The following CSMD1 variants were observed in gnomAD, a reference collection of about 807,000 sequenced individuals.
CSMD1 encodes the protein CUB and Sushi multiple domains 1.
Under a neutral mutation model 417.5 loss-of-function variants are expected in CSMD1, and 213 were observed. That is an observed-to-expected ratio of 0.51 (90% CI 0.46 to 0.57). The LOEUF is 0.57. Among genes scored for constraint, CSMD1 ranks in the 20% least tolerant of loss-of-function variants. CSMD1 has a pLI of 0.00. For missense variants in CSMD1, 6,923 were observed against 4,529.7 expected (o/e 1.53, Z -15.17); for synonymous variants, 2,862 against 1,736.8 (o/e 1.65, Z -16.11).
intron 3 of CSMD1, among the ~76,000 whole-genome samples, chr8:4,167,636 T>C (rs571102330): frequency 1.3e-5 from 2 of 152,336 alleles, no homozygotes; most frequent in African/African-American, 4.8e-5. Flanking sequence ...TAAATCCATC[T>C]GTTTGGAAGA....
chr8:2,966,384 T>C (rs1470618428), intron 58 of CSMD1, among the ~76,000 whole-genome samples, 186 bp downstream of exon 58: 1 of 152,112 alleles, frequency 6.6e-6, no homozygotes, highest in Non-Finnish European at 1.5e-5. Flanking sequence ...GCCATACGAA[T>C]AAGCAACTGG....
At chr8:4,942,199 AAC>A (rs1411721059) in intron 1 of CSMD1, among the ~76,000 whole-genome samples, 2 of 152,056 alleles carry the variant, frequency 1.3e-5, no homozygotes, top group East Asian at 1.9e-4. Flanking sequence ...CCTTCCCCCC[AAC>A]ACACAGACAC....
At chr8:4,199,444 G>T (rs1799524302) in intron 3 of CSMD1, among the ~76,000 whole-genome samples, 2 of 152,166 alleles carry the variant, frequency 1.3e-5, no homozygotes, top group Admixed American at 6.5e-5. Context: ...TAAGTCTATT[G>T]CATCTCAGTT....
At chr8:4,450,554 G>C (rs1799080590) in intron 2 of CSMD1, among the ~76,000 whole-genome samples, 1 of 152,080 alleles carries the variant, frequency 6.6e-6, no homozygotes, top group South Asian at 2.1e-4. Flanking sequence ...GGATTCACTT[G>C]AACCCGGGAG....
intron 23 of CSMD1, among the ~76,000 whole-genome samples, chr8:3,338,939 C>G (rs987646581): frequency 2.0e-5 from 3 of 151,366 alleles, no homozygotes; most frequent in Non-Finnish European, 4.4e-5. Flanking sequence ...CACCCACTAA[C>G]TCGTCATCTA....
intron 25 of CSMD1, among the ~76,000 whole-genome samples, chr8:3,293,693 C>G (rs560051874): frequency 2.6e-5 from 4 of 152,268 alleles, no homozygotes; most frequent in Admixed American, 2.6e-4. Context: ...CCTTTAAGGA[C>G]TTCTGTGCAT....
chr8:3,637,586 A>T (rs1797111847), intron 7 of CSMD1, among the ~76,000 whole-genome samples: 1 of 152,172 alleles, frequency 6.6e-6, no homozygotes, highest in Admixed American at 6.5e-5. Context: ...TAAAATATTG[A>T]CTACTATTTT....
At chr8:3,501,287 C>G (rs1796589731) in intron 10 of CSMD1, among the ~76,000 whole-genome samples, 1 of 152,150 alleles carries the variant, frequency 6.6e-6, no homozygotes, top group Non-Finnish European at 1.5e-5. Flanking sequence ...CACACATACA[C>G]ACACACCCCA....
At chr8:3,497,320 C>T (rs1286383343) in intron 10 of CSMD1, among the ~76,000 whole-genome samples, 1 of 152,124 alleles carries the variant, frequency 6.6e-6, no homozygotes, top group Non-Finnish European at 1.5e-5. Context: ...TATCTGGGGT[C>T]TCTGGTGTTG....
intron 11 of CSMD1, among the ~76,000 whole-genome samples, chr8:3,470,652 C>G (rs1817036129): frequency 2.0e-5 from 3 of 152,226 alleles, no homozygotes; most frequent in South Asian, 4.1e-4. Flanking sequence ...GTGCTCTTCC[C>G]TTAAAATCAC....
intron 7 of CSMD1, among the ~76,000 whole-genome samples, chr8:3,667,409 A>G (rs1334545630): frequency 6.6e-6 from 1 of 152,086 alleles, no homozygotes; most frequent in South Asian, 2.1e-4. Context: ...AGGTGTGTGG[A>G]GATCTTGGGG....
intron 12 of CSMD1, among the ~76,000 whole-genome samples, chr8:3,411,416 C>T (rs1812692842): frequency 6.6e-6 from 1 of 151,922 alleles, no homozygotes; most frequent in African/African-American, 2.4e-5. Context: ...ATGCTGCGTT[C>T]ATTTTGTAGT....
chr8:4,177,324 A>G (rs1387031552), intron 3 of CSMD1, among the ~76,000 whole-genome samples: 1 of 152,112 alleles, frequency 6.6e-6, no homozygotes, highest in African/African-American at 2.4e-5. Flanking sequence ...CTGCTCCTGA[A>G]TGAATACTGG....
chr8:3,751,064 A>C (rs909968419), intron 6 of CSMD1, among the ~76,000 whole-genome samples: 1 of 152,060 alleles, frequency 6.6e-6, no homozygotes, highest in African/African-American at 2.4e-5. Flanking sequence ...CAGTCTGCGT[A>C]AATGTGGTTT....
intron 1 of CSMD1, among the ~76,000 whole-genome samples, chr8:4,857,513 C>T (rs1266634821): frequency 5.9e-5 from 9 of 152,092 alleles, no homozygotes. Flanking sequence ...AATTGATAGA[C>T]CGCTAGCAAG....
chr8:4,302,786 T>C (rs531036952), intron 3 of CSMD1, among the ~76,000 whole-genome samples: 43 of 152,290 alleles, frequency 2.8e-4, no homozygotes, highest in African/African-American at 9.6e-4. Context: ...GTTGGCACCG[T>C]CAGCCCCTCT....
chr8:4,783,613 G>A (rs765855689), intron 1 of CSMD1, among the ~76,000 whole-genome samples: 1 of 152,234 alleles, frequency 6.6e-6, no homozygotes, highest in Non-Finnish European at 1.5e-5. Context: ...TCATTGCAGT[G>A]CCTCTTTTCA....
rs1037809999 is a variant in CSMD1 at position 3,982,169 on chromosome 8, T to A, written c.818+15734A>T. ...CGAGGCTCTATCTCAAAAATAATAA[T>A]AATAATAATAATAATAATAATATTA... On this transcript the variant is annotated intron_variant, in intron 5 of 69. Transcript: ENST00000635120. Among the ~76,000 whole-genome samples the A allele has an allele frequency of 3.9e-5, 5 of 127,766 alleles. No homozygotes were observed. In the East Asian group the frequency reaches 1.3e-3, roughly 33 times the overall value. 83.8% of individuals were successfully genotyped at this position (127,766 alleles called of 152,430 possible).
intron 6 of CSMD1, among the ~76,000 whole-genome samples, chr8:3,720,568 C>T (rs1050671072): frequency 3.3e-5 from 5 of 150,652 alleles, no homozygotes; most frequent in African/African-American, 1.2e-4. Context: ...ACAGGGGTGA[C>T]ACTTCACAGT....
Sources: gnomAD v4.1 joint callset for allele counts (sites outside exome capture counted in the v4.1 genomes callset) on GRCh38, gnomAD v4.1.1 for gene constraint, MANE v1.5 for transcripts, NCBI Gene and HGNC (gene_info 2026-07-23, HGNC 2026-07-21) for gene names.